Variants in CSNK2A2 observed in about 807,000 individuals in gnomAD.
CSNK2A2 encodes the protein casein kinase 2 alpha 2.
CSNK2A2 carries 8 observed loss-of-function variants against 54.0 expected under a neutral mutation model. That is an observed-to-expected ratio of 0.15 (90% confidence interval 0.09 to 0.27). The LOEUF is 0.27. Ranked by LOEUF, CSNK2A2 falls within the 10% of genes least tolerant of loss-of-function variation. The pLI is 1.00. For missense variants in CSNK2A2, 242 were observed against 439.4 expected (o/e 0.55, Z 4.02); for synonymous variants, 141 against 153.9 (o/e 0.92, Z 0.62).
chr16:58,175,770 G>A (rs901819885), intron 4 of CSNK2A2, among the ~76,000 whole-genome samples: 1 of 152,126 alleles, frequency 6.6e-6, no homozygotes, highest in Non-Finnish European at 1.5e-5. Flanking sequence ...TCCCCCTTTA[G>A]GTAAGAGTAA....
In CSNK2A2 at chr16:58,197,986, G is replaced by T. The variant is rs940521063; in HGVS notation, c.-250C>A. The T allele has an allele frequency of 6.9e-6, 1 of 144,600 alleles. No homozygotes were observed. The allele number at this position is 144,600 out of a possible 1,614,324, so 9.0% of individuals were successfully genotyped here. A position where few individuals can be genotyped will look rare whatever the true frequency, so the allele number is the denominator to read the frequency against. On this transcript the variant is annotated 5_prime_UTR_variant, in exon 1 of 12. Transcript: ENST00000262506. The surrounding 1 kb of genome is among the most constrained non-coding windows in gnomAD (Gnocchi z 4.0). ...GGGCGGCGGGGCGGGCGGCGCTCGC[G>T]CTCCGCGGCGGTCTCCGCTCGGCTC... is the stretch of plus-strand genomic sequence containing the variant.
At chr16:58,189,980 T>C (rs775107437) in intron 2 of CSNK2A2, among the ~76,000 whole-genome samples, 15 of 152,170 alleles carry the variant, frequency 9.9e-5, no homozygotes, top group Non-Finnish European at 1.5e-4. Context: ...ATTGTTGGTA[T>C]CCTAAGGAAA....
At chr16:58,171,783 TTTATTTTA>T (rs1452398172) in intron 5 of CSNK2A2, among the ~76,000 whole-genome samples, 2 of 151,006 alleles carry the variant, frequency 1.3e-5, no homozygotes, top group Admixed American at 1.3e-4. Flanking sequence ...GGAACTAAAT[TTTATTTTA>T]TTATTTTATT....
intron 5 of CSNK2A2, among the ~76,000 whole-genome samples, chr16:58,171,981 T>TATATATATA (rs1567466368): frequency 6.5e-4 from 35 of 54,226 alleles, no homozygotes; most frequent in East Asian, 3.8e-3. Context: ...ATATATATAT[T>TATATATATA]TTTTTTTTTT....
At chr16:58,166,202 A>C (rs1217296219) in intron 9 of CSNK2A2, among the ~76,000 whole-genome samples, 2 of 152,230 alleles carry the variant, frequency 1.3e-5, no homozygotes, top group Non-Finnish European at 2.9e-5. Context: ...AACAAGAAGA[A>C]ATTGTAAGTC....
At chr16:58,177,664 C>A (rs1390933060) in intron 4 of CSNK2A2, among the ~76,000 whole-genome samples, 1 of 152,192 alleles carries the variant, frequency 6.6e-6, no homozygotes, top group Non-Finnish European at 1.5e-5. Flanking sequence ...TGGTCACCTG[C>A]CAGATGTGGG....
chr16:58,197,528 G>T lies in CSNK2A2; in HGVS notation c.104+105C>A, dbSNP rs989451331. ...GACCTCTGCCTCCCTGCGGGCCCGCGGAGGGGTCGGCGGGAGACACCACCG... is the reference window on the plus strand; with the variant it reads ...GACCTCTGCCTCCCTGCGGGCCCGCTGAGGGGTCGGCGGGAGACACCACCG... On this transcript the variant is annotated intron_variant, in intron 1 of 11. Coordinates refer to ENST00000262506, the MANE Select transcript of CSNK2A2 (RefSeq NM_001896.4). The surrounding 1 kb of genome is among the most constrained non-coding windows in gnomAD (Gnocchi z 4.0). 1 of 573,370 alleles carries T rather than the reference G, an allele frequency of 1.7e-6. No individual in the cohort carries two copies. Among genetic ancestry groups the T allele is most frequent in the Non-Finnish European group, 2.9e-6 (1 of 349,766 alleles). The allele number at this position is 573,370 out of a possible 1,614,324, so 35.5% of individuals were successfully genotyped here.
chr16:58,197,078 C>T lies in CSNK2A2; in HGVS notation c.105-234G>A, dbSNP rs370654787. Reference sequence around the variant, plus strand: ...TTGGGAAGATGGGGCAGGAAGGCAACGCTCTGAGCCAATCCAGAGGGGCGA... The same window carrying T: ...TTGGGAAGATGGGGCAGGAAGGCAATGCTCTGAGCCAATCCAGAGGGGCGA... On this transcript the variant is annotated intron_variant, in intron 1 of 11. Coordinates refer to ENST00000262506, the MANE Select transcript of CSNK2A2 (RefSeq NM_001896.4). The surrounding 1 kb of genome is among the most constrained non-coding windows in gnomAD (Gnocchi z 4.0). The T allele has an allele frequency of 7.6e-4, 377 of 492,984 alleles. 2 individuals carry two copies. Among genetic ancestry groups the T allele is most frequent in the South Asian group, 5.5e-3 (256 of 46,406 alleles). 30.5% of individuals were successfully genotyped at this position (492,984 alleles called of 1,614,324 possible). A position where few individuals can be genotyped will look rare whatever the true frequency, so the allele number is the denominator to read the frequency against.
chr16:58,171,479 T>C lies in CSNK2A2; in HGVS notation c.430-2786A>G, dbSNP rs562468612. Reference sequence around the variant, plus strand: ...TGGAGGTTGCAGTGAGCCGAGATCATGCCACCGCACTCCAGCCTGGGCGAC... The same window carrying C: ...TGGAGGTTGCAGTGAGCCGAGATCACGCCACCGCACTCCAGCCTGGGCGAC... On this transcript the variant is annotated intron_variant, in intron 5 of 11. Coordinates refer to ENST00000262506, the MANE Select transcript of CSNK2A2 (RefSeq NM_001896.4). 4.6e-5 allele frequency among the ~76,000 whole-genome samples: 7 copies of C among 152,058 alleles called. No individual in the cohort carries two copies. The East Asian group carries it at 1.2e-3, about 25-fold the overall frequency.
At position 58,197,159 on chromosome 16, in the gene CSNK2A2, A is replaced by C; in HGVS notation, c.105-315T>G. ...TGCCCCCTGTGCCCCGCGGCTCCCC[A>C]GCACCTGCTTCTCGTTTCACATCTT... On this transcript the variant is annotated intron_variant, in intron 1 of 11. Transcript: ENST00000262506. This position sits in a 1 kb window ranked among gnomAD's most constrained non-coding sequence, Gnocchi z 4.0. 2 of 353,782 alleles carry C rather than the reference A, an allele frequency of 5.7e-6. No homozygotes were observed. The highest frequency in any genetic ancestry group is 7.4e-5 in the South Asian group (2 of 27,044). 21.9% of individuals were successfully genotyped at this position (353,782 alleles called of 1,614,324 possible).
chr16:58,163,969 A>T, intron 11 of CSNK2A2, 85 bp downstream of exon 11: 6 of 1,070,110 alleles, frequency 5.6e-6, no homozygotes, highest in Non-Finnish European at 8.4e-6. Flanking sequence ...GAATGATAAG[A>T]ATTTCTTTTT....
intron 4 of CSNK2A2, among the ~76,000 whole-genome samples, chr16:58,179,906 C>T (rs1043173454): frequency 3.3e-5 from 5 of 151,660 alleles, no homozygotes; most frequent in East Asian, 3.9e-4. Flanking sequence ...GGTGAAACCC[C>T]GTCTGTACTA....
intron 10 of CSNK2A2, among the ~76,000 whole-genome samples, chr16:58,164,520 G>A (rs756037881): frequency 9.2e-5 from 14 of 152,166 alleles, no homozygotes; most frequent in Non-Finnish European, 1.6e-4. Context: ...GGAAAGGTGA[G>A]TAAAAAGAGC....
Position 58,176,330 on chromosome 16 carries a change from T to C in CSNK2A2, c.370-1820A>G, listed in dbSNP as rs187896811. 2.4e-3 allele frequency among the ~76,000 whole-genome samples: 370 copies of C among 152,286 alleles called. 1 individual carries two copies. The highest frequency in any genetic ancestry group is 4.3e-3 in the Admixed American group (65 of 15,292). Reference sequence around the variant, plus strand: ...GCATCTGTATAAATGGTGTAAGCCATAAAAATAAATGTCTCTGGACTGCCA... The same window carrying C: ...GCATCTGTATAAATGGTGTAAGCCACAAAAATAAATGTCTCTGGACTGCCA... On this transcript the variant is annotated intron_variant, in intron 4 of 11. Transcript: ENST00000262506.
At chr16:58,180,902 A>G (rs192990047) in intron 4 of CSNK2A2, among the ~76,000 whole-genome samples, 220 of 152,344 alleles carry the variant, frequency 1.4e-3, no homozygotes, top group African/African-American at 4.5e-3. Context: ...CACAGGACAA[A>G]ATAAAAAGAC....
chr16:58,197,096 AG>A lies in CSNK2A2; in HGVS notation c.105-253del, dbSNP rs1962475792. ...AAGGCAACGCTCTGAGCCAATCCAG[AG>A]GGGCGAGCAAAGCACCCGTCCTGAA... On this transcript the variant is annotated intron_variant, in intron 1 of 11. Coordinates refer to ENST00000262506, the MANE Select transcript of CSNK2A2 (RefSeq NM_001896.4). The surrounding 1 kb of genome is among the most constrained non-coding windows in gnomAD (Gnocchi z 4.0). The A allele has an allele frequency of 2.2e-6, 1 of 458,988 alleles. No individual in the cohort carries two copies. The highest frequency in any genetic ancestry group is 4.0e-6 in the Non-Finnish European group (1 of 249,654). 28.4% of individuals were successfully genotyped at this position (458,988 alleles called of 1,614,324 possible). A position where few individuals can be genotyped will look rare whatever the true frequency, so the allele number is the denominator to read the frequency against.
chr16:58,189,179 G>A (rs1222545874), intron 2 of CSNK2A2, among the ~76,000 whole-genome samples: 6 of 151,872 alleles, frequency 4.0e-5, no homozygotes, highest in Admixed American at 2.0e-4. Context: ...GGGTGATCTC[G>A]TCCTGACCTC....
intron 4 of CSNK2A2, among the ~76,000 whole-genome samples, chr16:58,179,617 C>G (rs1031516086): frequency 2.6e-5 from 4 of 152,232 alleles, no homozygotes; most frequent in Non-Finnish European, 5.9e-5. Flanking sequence ...GATTGTGCTA[C>G]TCCTTCCAAT....
intron 5 of CSNK2A2, among the ~76,000 whole-genome samples, chr16:58,169,552 TA>T (rs1480820151): frequency 2.6e-5 from 4 of 151,468 alleles, no homozygotes; most frequent in Admixed American, 6.6e-5. Flanking sequence ...TGTGGGATGA[TA>T]AACCAGACTT....
Sources: allele counts gnomAD v4.1 joint callset (sites outside exome capture counted in the v4.1 genomes callset), GRCh38; gene constraint gnomAD v4.1.1; non-coding constraint Gnocchi (gnomAD v3.1); transcripts MANE v1.5; gene names NCBI Gene and HGNC (gene_info 2026-07-23, HGNC 2026-07-21).